The following LAMC1 variants were observed in gnomAD, a reference collection of about 807,000 sequenced individuals.
LAMC1 encodes laminin subunit gamma 1.
LAMC1 carries 38 observed loss-of-function variants against 173.6 expected under a neutral mutation model. That is an observed-to-expected ratio of 0.22 (90% confidence interval 0.17 to 0.29). The LOEUF (loss-of-function observed/expected upper bound fraction) is 0.29, where lower values mean the gene tolerates loss of function less well. LAMC1 is among the 10% of genes least tolerant of loss of function. The pLI is 1.00. For synonymous variants in LAMC1, 746 were observed against 749.1 expected (o/e 1.00, Z 0.07); for missense variants, 1,824 against 2,051.8 (o/e 0.89, Z 2.14).
At chr1:183,041,806 G>A (rs1043874197) in intron 1 of LAMC1, among the ~76,000 whole-genome samples, 7 of 152,090 alleles carry the variant, frequency 4.6e-5, no homozygotes, top group East Asian at 1.9e-4. Flanking sequence ...CCTAGTGTAC[G>A]GCATAATACC....
At chr1:183,039,797 A>G (rs1468839894) in intron 1 of LAMC1, among the ~76,000 whole-genome samples, 2 of 152,222 alleles carry the variant, frequency 1.3e-5, no homozygotes, top group Non-Finnish European at 2.9e-5. Flanking sequence ...AGATGTTTGT[A>G]GTACAGATTT....
intron 1 of LAMC1, among the ~76,000 whole-genome samples, chr1:183,084,993 G>C (rs920667913): frequency 3.9e-5 from 6 of 152,052 alleles, no homozygotes; most frequent in Non-Finnish European, 8.8e-5. Context: ...CCAGCATTTT[G>C]GGATCACGAG....
intron 1 of LAMC1, among the ~76,000 whole-genome samples, chr1:183,044,051 C>T (rs1654205095): frequency 6.6e-6 from 1 of 152,002 alleles, no homozygotes; most frequent in Admixed American, 6.6e-5. Flanking sequence ...GTCTAGGAAT[C>T]TTTAGTCACT....
chr1:183,144,798 G>GTAA lies in LAMC1; in HGVS notation c.*2008_*2009insTAA. On this transcript the variant is annotated 3_prime_UTR_variant, in exon 28 of 28. Transcript: ENST00000258341. ...TTTTGACTGAGCACTTAGGGCATCA[G>GTAA]GAACAGTGCTACTTACTGATGGGTA... 1 of 152,210 alleles carries GTAA rather than the reference G, an allele frequency of 6.6e-6. No homozygotes were observed. The highest frequency in any genetic ancestry group is 1.9e-4 in the East Asian group (1 of 5,202). The allele number at this position is 152,210 out of a possible 1,614,324, so 9.4% of individuals were successfully genotyped here. A position where few individuals can be genotyped will look rare whatever the true frequency, so the allele number is the denominator to read the frequency against.
chr1:183,118,228 T>C (rs1314762895), intron 11 of LAMC1, 82 bp downstream of exon 11: 1 of 785,132 alleles, frequency 1.3e-6, no homozygotes, highest in African/African-American at 1.7e-5. Context: ...AGTTTCTCTT[T>C]CCTAATAATA....
intron 26 of LAMC1, chr1:183,138,298 GT>G: frequency 1.6e-6 from 1 of 632,880 alleles, no homozygotes; most frequent in Non-Finnish European, 2.0e-6. Context: ...AATTTTTCAC[GT>G]TTTGTGATAA....
Position 183,142,601 on chromosome 1 carries a change from T to A in LAMC1, c.4641T>A (p.Asp1547Glu), listed in dbSNP as rs1238938295. 26 of 1,613,888 alleles carry A rather than the reference T, an allele frequency of 1.6e-5. No homozygotes were observed. The highest frequency in any genetic ancestry group is 2.1e-5 in the Non-Finnish European group (25 of 1,179,940). The change falls in exon 28 of 28, where the codon GAT becomes GAA. Residue 1547 changes from aspartate (D) to glutamate (E), a missense_variant. Coordinates refer to ENST00000258341, the MANE Select transcript of LAMC1 (RefSeq NM_002293.4). ...EIEGTLNKAKDEMKVSDLDRK... is the reference protein window; with the variant it reads ...EIEGTLNKAKEEMKVSDLDRK... Reference sequence around the variant, plus strand: ...AAGGCACCCTAAACAAAGCCAAAGATGAAATGAAGGTCAGCGATCTTGATA... The same window carrying A: ...AAGGCACCCTAAACAAAGCCAAAGAAGAAATGAAGGTCAGCGATCTTGATA...
chr1:183,066,050 A>G (rs991485244), intron 1 of LAMC1, among the ~76,000 whole-genome samples: 2 of 152,232 alleles, frequency 1.3e-5, no homozygotes, highest in African/African-American at 4.8e-5. Flanking sequence ...CATTATTGTC[A>G]TAGTGATTAT....
At chr1:183,081,694 C>A (rs1241961106) in intron 1 of LAMC1, among the ~76,000 whole-genome samples, 2 of 152,078 alleles carry the variant, frequency 1.3e-5, no homozygotes, top group Non-Finnish European at 2.9e-5. Context: ...CACACATAGC[C>A]TCTGCAATTG....
At chr1:183,048,281 G>A (rs2102020730) in intron 1 of LAMC1, among the ~76,000 whole-genome samples, 1 of 152,314 alleles carries the variant, frequency 6.6e-6, no homozygotes, top group South Asian at 2.1e-4. Flanking sequence ...TGCTGATAAA[G>A]TTGGCAGAGA....
intron 1 of LAMC1, among the ~76,000 whole-genome samples, chr1:183,037,273 A>G (rs1654007932): frequency 6.6e-6 from 1 of 152,208 alleles, no homozygotes; most frequent in Admixed American, 6.5e-5. Context: ...CTTCATTTAT[A>G]CAGGGAATGC....
At chr1:183,055,726 C>T (rs1041015947) in intron 1 of LAMC1, among the ~76,000 whole-genome samples, 2 of 151,856 alleles carry the variant, frequency 1.3e-5, no homozygotes, top group Non-Finnish European at 2.9e-5. Flanking sequence ...GCAGGATAAT[C>T]GCTTGAACCT....
At position 183,060,936 on chromosome 1, in the gene LAMC1, T is replaced by C. The variant is rs139073537; in HGVS notation, c.418+36802T>C. On this transcript the variant is annotated intron_variant, in intron 1 of 27. Transcript: ENST00000258341. ...TGATCACTTCATGAAAGGCTTTGAA[T>C]ATGAAGCTGACCAATTGAGATGTGT... is the stretch of plus-strand genomic sequence containing the variant. 9.1e-4 allele frequency among the ~76,000 whole-genome samples: 139 copies of C among 152,336 alleles called. 1 individual carries two copies. Among genetic ancestry groups the C allele is most frequent in the African/African-American group, 3.2e-3 (131 of 41,574 alleles).
Position 183,125,304 on chromosome 1 carries a change from A to G in LAMC1, c.2648-93A>G. 4.3e-6 allele frequency: 6 copies of G among 1,391,558 alleles called. No individual in the cohort carries two copies. The South Asian group carries it at 7.2e-5, about 17-fold the overall frequency. The allele number at this position is 1,391,558 out of a possible 1,614,324, so 86.2% of individuals were successfully genotyped here. On this transcript the variant is annotated intron_variant, in intron 14 of 27. Transcript: ENST00000258341. ...TGTGACAGCAGCTACCAACCTGGCA[A>G]CACAGGTCTAAAGAATCTCTTTAGG...
intron 1 of LAMC1, among the ~76,000 whole-genome samples, chr1:183,067,735 C>T (rs1571419263): frequency 6.6e-6 from 1 of 152,128 alleles, no homozygotes; most frequent in African/African-American, 2.4e-5. Context: ...CGTTATCCAC[C>T]TGCCTTGGCC....
chr1:183,133,070 C>T (rs1289167292), intron 21 of LAMC1, among the ~76,000 whole-genome samples: 1 of 151,974 alleles, frequency 6.6e-6, no homozygotes, highest in Non-Finnish European at 1.5e-5. Context: ...GCCACCACAC[C>T]CAGCTAATTT....
intron 1 of LAMC1, among the ~76,000 whole-genome samples, chr1:183,094,051 C>T (rs1048178683): frequency 6.6e-6 from 1 of 152,194 alleles, no homozygotes; most frequent in Non-Finnish European, 1.5e-5. Context: ...CCAAGTCTTA[C>T]AGTGATCTAC....
intron 1 of LAMC1, among the ~76,000 whole-genome samples, chr1:183,048,918 T>A (rs1485293140): frequency 6.6e-6 from 1 of 152,202 alleles, no homozygotes; most frequent in Non-Finnish European, 1.5e-5. Context: ...CTATTCAGAT[T>A]CTTAGCCAAG....
chr1:183,052,093 C>T (rs1341783104), intron 1 of LAMC1, among the ~76,000 whole-genome samples: 1 of 152,056 alleles, frequency 6.6e-6, no homozygotes, highest in Non-Finnish European at 1.5e-5. Context: ...ACATACAGCC[C>T]CCTGATTGCA....
Sources: allele counts gnomAD v4.1 joint callset (sites outside exome capture counted in the v4.1 genomes callset), GRCh38; gene constraint gnomAD v4.1.1; transcripts MANE v1.5; gene names NCBI Gene and HGNC (gene_info 2026-07-23, HGNC 2026-07-21).